Variants in LRRC51 observed in about 807,000 individuals in gnomAD.
The protein encoded by LRRC51 is leucine rich repeat containing 51, also known as leucine-rich repeat-containing protein 51.
Under a neutral mutation model 17.8 loss-of-function variants are expected in LRRC51, and 8 were observed. The ratio of observed to expected loss-of-function variants is 0.45; its 90% confidence interval spans 0.26 to 0.81. LRRC51 has a LOEUF of 0.81. LRRC51 is among the 30% of genes least tolerant of loss of function. The probability of loss-of-function intolerance (pLI) is 0.17; values close to 1 mark genes in which losing one functional copy is unlikely to be tolerated. For synonymous variants in LRRC51, 92 were observed against 96.0 expected (o/e 0.96, Z 0.24); for missense variants, 233 against 239.3 (o/e 0.97, Z 0.17).
chr11:72,086,456 T>C (rs776847870), intron 1 of LRRC51: 45 of 702,204 alleles, frequency 6.4e-5, no homozygotes, highest in South Asian at 4.0e-4. Context: ...TGGGAACCAA[T>C]TGTTAGAAAG....
chr11:72,094,504 G>A, intron 4 of LRRC51: 1 of 587,616 alleles, frequency 1.7e-6, no homozygotes, highest in Non-Finnish European at 3.0e-6. Context: ...AGATCCCTAA[G>A]AGGGGAAAGG....
intron 1 of LRRC51, 112 bp downstream of exon 1, chr11:72,080,997 T>TC (rs1222077891): frequency 3.9e-5 from 6 of 152,534 alleles, no homozygotes; most frequent in Non-Finnish European, 4.4e-5. Flanking sequence ...ATCTGAGATT[T>TC]CCCCCACCGA....
At chr11:72,093,737 C>T (rs1715732912) in intron 4 of LRRC51, 36 bp downstream of exon 4, 1 of 1,600,684 alleles carries the variant, frequency 6.2e-7, no homozygotes. Context: ...GTCAGGGGAG[C>T]CTGAAGCCAC....
At chr11:72,085,372 C>T (rs560325723) in intron 1 of LRRC51, 1 of 146,734 alleles carries the variant, frequency 6.8e-6, no homozygotes, top group South Asian at 2.2e-4. Flanking sequence ...GTCCATCAAA[C>T]CTTTAGTGAA....
Position 72,093,590 on chromosome 11 carries a change from T to C in LRRC51, c.177T>C (p.Asn59=), listed in dbSNP as rs760986581. Reference sequence around the variant, plus strand: ...CCCAGTCCCTGTGGCTGAATAACAATGTTCTCAATGATCTGAGAGACTTCA... The same window carrying C: ...CCCAGTCCCTGTGGCTGAATAACAACGTTCTCAATGATCTGAGAGACTTCA... The part of the protein sequence containing the change: ...SLTQSLWLNN[N]VLNDLRDFNQ... The change falls in exon 4 of 6, where the codon AAT becomes AAC. Residue 59 remains asparagine (N), a synonymous_variant. Coordinates refer to ENST00000289488, the MANE Select transcript of LRRC51 (RefSeq NM_145309.6). 1.2e-5 allele frequency: 20 copies of C among 1,614,212 alleles called. No homozygotes were observed. Among genetic ancestry groups the C allele is most frequent in the Non-Finnish European group, 1.6e-5 (19 of 1,180,034 alleles).
At chr11:72,083,384 T>G (rs1944354634) in intron 1 of LRRC51, among the ~76,000 whole-genome samples, 1 of 152,208 alleles carries the variant, frequency 6.6e-6, no homozygotes, top group African/African-American at 2.4e-5. Flanking sequence ...TAAGTTAATT[T>G]GTACTTATCC....
intron 3 of LRRC51, among the ~76,000 whole-genome samples, chr11:72,092,677 G>A (rs530103014): frequency 6.6e-6 from 1 of 152,354 alleles, no homozygotes; most frequent in East Asian, 1.9e-4. Context: ...TGCAGTGCGT[G>A]CAAGCACTTG....
At chr11:72,088,720 A>G (rs1944682909) in intron 2 of LRRC51, 4 of 516,166 alleles carry the variant, frequency 7.7e-6, no homozygotes, top group Admixed American at 6.4e-5. Flanking sequence ...GCAGTCTACA[A>G]CTGACTCACT....
At chr11:72,093,813 A>G (rs551452468) in intron 4 of LRRC51, 112 bp downstream of exon 4, 16 of 1,041,838 alleles carry the variant, frequency 1.5e-5, no homozygotes, top group South Asian at 1.0e-4. Flanking sequence ...AGCATGGTAC[A>G]GTCCAAAGCA....
intron 3 of LRRC51, among the ~76,000 whole-genome samples, chr11:72,092,549 T>C (rs1032081962): frequency 6.6e-6 from 1 of 152,234 alleles, no homozygotes; most frequent in Non-Finnish European, 1.5e-5. Context: ...ATTTGAATCA[T>C]TTGCTTTAAA....
At position 72,096,091 on chromosome 11, in the gene LRRC51, C is replaced by T. The variant is rs575463311; in HGVS notation, c.*571C>T. Reference sequence around the variant, plus strand: ...GATCTCGGCTCACTGCAAACTCCGCCTTCCAGGTTCACGCCATTCTCCTGC... The same window carrying T: ...GATCTCGGCTCACTGCAAACTCCGCTTTCCAGGTTCACGCCATTCTCCTGC... On this transcript the variant is annotated 3_prime_UTR_variant, in exon 6 of 6. Transcript: ENST00000289488. 5.8e-6 allele frequency: 1 copy of T among 171,952 alleles called. No homozygotes were observed. Among genetic ancestry groups the T allele is most frequent in the Admixed American group, 5.6e-5 (1 of 17,980 alleles). The allele number at this position is 171,952 out of a possible 1,614,324, so 10.7% of individuals were successfully genotyped here.
At chr11:72,084,861 CGTGTGTGTGTGTGT>C (rs55904624) in intron 1 of LRRC51, among the ~76,000 whole-genome samples, 30,697 of 123,958 alleles carry the variant, frequency 0.25, 3,897 homozygotes, top group South Asian at 0.38. Context: ...AAAAGAAAAC[CGTGTGTGTGTGTGT>C]GTGTGTGTGT....
intron 1 of LRRC51, chr11:72,086,212 CAT>C (rs1156465245): frequency 1.7e-6 from 1 of 584,100 alleles, no homozygotes; most frequent in Middle Eastern, 2.6e-4. Context: ...AGTGTTGAAA[CAT>C]GAGAGAGTAT....
intron 3 of LRRC51, 113 bp from the exon 4 acceptor site, chr11:72,093,382 CT>C: frequency 9.7e-7 from 1 of 1,028,926 alleles, no homozygotes; most frequent in East Asian, 2.6e-5. Context: ...GGCTATGGCC[CT>C]TCCAGACCCT....
intron 4 of LRRC51, chr11:72,094,388 T>C: frequency 2.7e-6 from 1 of 366,866 alleles, no homozygotes; most frequent in Non-Finnish European, 4.9e-6. Context: ...CACTGTGACC[T>C]GTGCTGGGTT....
Position 72,093,696 on chromosome 11 carries a change from G to T in LRRC51, c.283G>T (p.Asp95Tyr). 6.2e-7 allele frequency: 1 copy of T among 1,614,170 alleles called. No individual in the cohort carries two copies. The highest frequency in any genetic ancestry group is 1.1e-5 in the South Asian group (1 of 91,076). The change falls in exon 4 of 6, where the codon GAC becomes TAC. Residue 95 changes from aspartate (D) to tyrosine (Y), a missense_variant. Coordinates refer to ENST00000289488, the MANE Select transcript of LRRC51 (RefSeq NM_145309.6). ...DLSFNDLTSI[D>Y]PVLTTFFNLS... is the part of the protein sequence containing the mutation. The stretch of plus-strand genomic sequence containing the variant: ...GTCCTTTAATGACCTGACTTCCATT[G>T]ACCCTGTGAGTTCCTAACAGTAGGA...
In LRRC51 at chr11:72,088,690, G is replaced by C. The variant is rs1944681193; in HGVS notation, c.-56+310G>C. ...GAGTAACAGAAAAGGTCTCAGAGTA[G>C]GATTCAGGAGATTATGACTGCAGTC... On this transcript the variant is annotated intron_variant, in intron 2 of 5. Transcript: ENST00000289488. The C allele has an allele frequency of 3.0e-5, 16 of 525,244 alleles. 1 individual carries two copies. The South Asian group carries it at 3.5e-4, about 11-fold the overall frequency. 32.5% of individuals were successfully genotyped at this position (525,244 alleles called of 1,614,324 possible).
rs1021532548 is a variant in LRRC51, at chr11:72,095,371, C to T, written c.438-8C>T. On this transcript the variant is annotated splice_region_variant and splice_polypyrimidine_tract_variant and intron_variant, in intron 5 of 5. Transcript: ENST00000289488. ...GGTGCTGGCCCCCAGCCTAAGTCTTCCCCACAGGCAATATGTGCTGTGCAC... is the reference window on the plus strand; with the variant it reads ...GGTGCTGGCCCCCAGCCTAAGTCTTTCCCACAGGCAATATGTGCTGTGCAC... 1.9e-6 allele frequency: 3 copies of T among 1,613,794 alleles called. No homozygotes were observed. The highest frequency in any genetic ancestry group is 2.7e-5 in the African/African-American group (2 of 74,916).
rs1944710308 is a variant in LRRC51, at chr11:72,089,178, A to G, written c.82+13A>G. 1.2e-6 allele frequency: 2 copies of G among 1,614,150 alleles called. No homozygotes were observed. The highest frequency in any genetic ancestry group is 1.3e-5 in the African/African-American group (1 of 75,040). ...CACGTCATTCAAGGTCAGCCCCCAG[A>G]GCACAGTACTCCACTCACTAAGGCA... On this transcript the variant is annotated intron_variant, in intron 3 of 5. Transcript: ENST00000289488.
Sources: gnomAD v4.1 joint callset for allele counts (sites outside exome capture counted in the v4.1 genomes callset) on GRCh38, gnomAD v4.1.1 for gene constraint, MANE v1.5 for transcripts, NCBI Gene and HGNC (gene_info 2026-07-23, HGNC 2026-07-21) for gene names.